The following ATP8B1 variants were observed in gnomAD, a reference collection of about 807,000 sequenced individuals.
ATP8B1 encodes ATPase phospholipid transporting 8B1.
Under a neutral mutation model 149.9 loss-of-function variants are expected in ATP8B1, and 80 were observed. The ratio of observed to expected loss-of-function variants is 0.53; its 90% CI spans 0.45 to 0.64. ATP8B1 has a LOEUF of 0.64. ATP8B1 is among the 30% of genes least tolerant of loss of function. ATP8B1 has a pLI of 0.00. For synonymous variants in ATP8B1, 536 were observed against 562.8 expected (o/e 0.95, Z 0.67); for missense variants, 1,247 against 1,552.6 (o/e 0.80, Z 3.31).
At chr18:57,664,012 G>A (rs541016951) in intron 20 of ATP8B1, among the ~76,000 whole-genome samples, 2 of 148,696 alleles carry the variant, frequency 1.3e-5, no homozygotes, top group Non-Finnish European at 3.0e-5. Context: ...TGATCCACCC[G>A]CCTCAGCCCC....
Position 57,767,471 on chromosome 18 carries a change from C to T in ATP8B1, c.-26+35527G>A, listed in dbSNP as rs183087482. 2.6e-5 allele frequency among the ~76,000 whole-genome samples: 4 copies of T among 152,250 alleles called. No homozygotes were observed. In the East Asian group the frequency reaches 7.7e-4, roughly 29 times the overall value. Reference sequence around the variant, plus strand: ...CCTCATTTCAAGTGTTCAACAGCCACCTGTGACTAGGGGCTAGAAACAGGA... The same window carrying T: ...CCTCATTTCAAGTGTTCAACAGCCATCTGTGACTAGGGGCTAGAAACAGGA... On this transcript the variant is annotated intron_variant, in intron 1 of 27. Transcript: ENST00000648908.
intron 15 of ATP8B1, among the ~76,000 whole-genome samples, chr18:57,680,296 AAAAAAAG>A (rs1431251243): frequency 2.7e-5 from 4 of 147,620 alleles, no homozygotes; most frequent in Middle Eastern, 3.4e-3. Context: ...AAAAAAAAAA[AAAAAAAG>A]ACTGGGTGTG....
At chr18:57,759,785 C>T (rs1289855633) in intron 1 of ATP8B1, among the ~76,000 whole-genome samples, 1 of 151,220 alleles carries the variant, frequency 6.6e-6, no homozygotes. Context: ...CGCCACTGCA[C>T]TCCAGCCTGG....
At chr18:57,662,739 GTTTC>G (rs1910554432) in intron 20 of ATP8B1, 124 bp from the exon 21 acceptor site, 2 of 1,104,658 alleles carry the variant, frequency 1.8e-6, no homozygotes, top group Admixed American at 4.9e-5. Flanking sequence ...ACCTATTTTT[GTTTC>G]TTTATTTTAT....
rs1170588174 is a variant in ATP8B1, at chr18:57,648,252, C to A, written c.*236G>T. 2 of 605,126 alleles carry A rather than the reference C, an allele frequency of 3.3e-6. No homozygotes were observed. The highest frequency in any genetic ancestry group is 5.9e-6 in the Non-Finnish European group (2 of 339,122). 37.5% of individuals were successfully genotyped at this position (605,126 alleles called of 1,614,324 possible). On this transcript the variant is annotated 3_prime_UTR_variant, in exon 28 of 28. Coordinates refer to ENST00000648908, the MANE Select transcript of ATP8B1 (RefSeq NM_001374385.1). The stretch of plus-strand genomic sequence containing the variant: ...CTCCCCTCCTCAGCCTCCTAAAGTG[C>A]TGGGATTACAGACCTGAGCCACCAC...
In ATP8B1 at chr18:57,654,003, G is replaced by T. The variant is rs1192891814; in HGVS notation, c.3004C>A (p.Leu1002Met). Residue 1002 changes from leucine (L) to methionine (M), a missense_variant, in exon 24 of 28, where the codon CTG becomes ATG. By Grantham distance (15) the Leu-to-Met change is conservative. Transcript: ENST00000648908. ...YTSLPVLLMG[L>M]LDQDVSDKLS... The stretch of plus-strand genomic sequence containing the variant: ...TGCGAGGCTCCTACCTGGTCGAGCA[G>T]CCCCATGAGGAGCACGGGCAGGCTG... 6.2e-7 allele frequency: 1 copy of T among 1,613,656 alleles called. No individual in the cohort carries two copies. The highest frequency in any genetic ancestry group is 8.5e-7 in the Non-Finnish European group (1 of 1,179,774).
chr18:57,691,834 G>C lies in ATP8B1; in HGVS notation c.1193C>G (p.Thr398Ser), dbSNP rs1484507624. The change falls in exon 12 of 28, where the codon ACC becomes AGC. Residue 398 changes from threonine (T) to serine (S), a missense_variant. Physicochemically the swap from Thr to Ser is moderately conservative, Grantham distance 58. Transcript: ENST00000648908. The part of the protein sequence containing the change: ...IFWGYIIVLN[T>S]MVPISLYVSV... The stretch of plus-strand genomic sequence containing the variant: ...GACATAGAGAGAGATGGGTACCATG[G>C]TGTTGAGAACAATGATATAGCCCCA... The C allele has an allele frequency of 6.2e-7, 1 of 1,614,056 alleles. No homozygotes were observed. The highest frequency in any genetic ancestry group is 1.3e-5 in the African/African-American group (1 of 74,928).
chr18:57,740,465 T>G (rs2079901485), intron 1 of ATP8B1: 2 of 152,150 alleles, frequency 1.3e-5, no homozygotes, highest in Non-Finnish European at 2.9e-5. Context: ...AAATATAAAT[T>G]ACTACTCTAA....
chr18:57,673,165 C>T (rs976466006), intron 16 of ATP8B1, among the ~76,000 whole-genome samples: 4 of 151,230 alleles, frequency 2.6e-5, no homozygotes, highest in Non-Finnish European at 4.4e-5. Flanking sequence ...ATCAGACAAA[C>T]GCAAATGGAG....
chr18:57,658,601 C>T (rs564276011), intron 22 of ATP8B1, among the ~76,000 whole-genome samples: 13 of 151,414 alleles, frequency 8.6e-5, no homozygotes, highest in African/African-American at 2.9e-4. Flanking sequence ...TAATTTCACT[C>T]GACTACTTTA....
chr18:57,798,786 A>G (rs1424781400), intron 1 of ATP8B1, among the ~76,000 whole-genome samples: 1 of 152,110 alleles, frequency 6.6e-6, no homozygotes, highest in Non-Finnish European at 1.5e-5. Flanking sequence ...TTAAGAGGCA[A>G]ATGAGCACTC....
chr18:57,651,886 G>A (rs532023859), intron 26 of ATP8B1, 148 bp downstream of exon 26: 12 of 988,502 alleles, frequency 1.2e-5, no homozygotes, highest in South Asian at 2.8e-5. Flanking sequence ...CACTTGCCTC[G>A]GCCTCCCAAA....
chr18:57,762,292 A>C (rs2080165928), intron 1 of ATP8B1, among the ~76,000 whole-genome samples: 1 of 151,844 alleles, frequency 6.6e-6, no homozygotes, highest in Non-Finnish European at 1.5e-5. Flanking sequence ...GTGCCCGCCA[A>C]CACGCCTGGC....
intron 1 of ATP8B1, among the ~76,000 whole-genome samples, chr18:57,797,791 T>G (rs1331367404): frequency 1.5e-5 from 2 of 133,402 alleles, no homozygotes; most frequent in Non-Finnish European, 3.1e-5. Context: ...CACTACAACC[T>G]CACCTCCCAG....
Position 57,688,465 on chromosome 18 carries a change from C to G in ATP8B1, c.1263G>C (p.Trp421Cys). The G allele has an allele frequency of 6.2e-7, 1 of 1,614,096 alleles. No homozygotes were observed. The highest frequency in any genetic ancestry group is 8.5e-7 in the Non-Finnish European group (1 of 1,180,036). ...TCTCAGCATAGTACATTTGCAGGTC[C>G]CAGTTGATGAAGTGACTCTGTCCAA... ...IRLGQSHFIN[W>C]DLQMYYAEKD... Residue 421 changes from tryptophan (W) to cysteine (C), a missense_variant, in exon 13 of 28, where the codon TGG (tryptophan) becomes TGC (cysteine). Physicochemically the swap from Trp to Cys is radical, Grantham distance 215. Coordinates refer to ENST00000648908, the MANE Select transcript of ATP8B1 (RefSeq NM_001374385.1).
At chr18:57,767,027 T>C (rs571866249) in intron 1 of ATP8B1, among the ~76,000 whole-genome samples, 1 of 152,172 alleles carries the variant, frequency 6.6e-6, no homozygotes, top group South Asian at 2.1e-4. Flanking sequence ...AATCTTTCCA[T>C]GTCATGGGCA....
intron 1 of ATP8B1, chr18:57,736,910 C>G (rs1423800227): frequency 6.6e-6 from 1 of 151,986 alleles, no homozygotes; most frequent in Non-Finnish European, 1.5e-5. Flanking sequence ...TTACTACAGC[C>G]TTGTTATATA....
chr18:57,798,263 AAAAC>A (rs928358643), intron 1 of ATP8B1, among the ~76,000 whole-genome samples: 11 of 152,238 alleles, frequency 7.2e-5, no homozygotes, highest in Admixed American at 2.0e-4. Context: ...ATTAAAAAAC[AAAAC>A]AAACAAACAA....
chr18:57,738,182 C>G (rs2079877529), intron 1 of ATP8B1: 2 of 152,400 alleles, frequency 1.3e-5, no homozygotes, highest in Non-Finnish European at 1.5e-5. Context: ...ATGTCTCTGA[C>G]CACCACTCCA....
Sources: gnomAD v4.1 joint callset for allele counts (sites outside exome capture counted in the v4.1 genomes callset) on GRCh38, gnomAD v4.1.1 for gene constraint, MANE v1.5 for transcripts, NCBI Gene and HGNC (gene_info 2026-07-23, HGNC 2026-07-21) for gene names.